CAST: variants seen among roughly 807,000 people sequenced by gnomAD.
CAST encodes the protein MIR583 host.
A neutral mutation model predicts 119.6 loss-of-function variants in CAST; 76 were observed. That is an observed-to-expected ratio of 0.64 (90% CI 0.53 to 0.77). CAST has a LOEUF of 0.77. CAST is among the 30% of genes least tolerant of loss of function. The probability of loss-of-function intolerance (pLI) is 0.00; values close to 1 mark genes in which losing one functional copy is unlikely to be tolerated. For synonymous variants in CAST, 319 were observed against 331.6 expected, an observed-to-expected ratio of 0.96 and a Z score of 0.41; for missense variants, 953 against 946.5, an observed-to-expected ratio of 1.01 and a Z score of -0.09.
intron 1 of CAST, among the ~76,000 whole-genome samples, chr5:96,631,600 A>G (rs1279279914): frequency 3.4e-5 from 4 of 119,268 alleles, no homozygotes; most frequent in African/African-American, 9.6e-5. Flanking sequence ...TTTTTTTTTG[A>G]GACGGAGTCT....
chr5:95,994,076 CAA>C, the CAST span, among the ~76,000 whole-genome samples: 1 of 152,080 alleles, frequency 6.6e-6, no homozygotes, highest in Non-Finnish European at 1.5e-5. Flanking sequence ...AGTGGGTCTG[CAA>C]AGTGTTCAAC....
At chr5:96,100,456 C>T in the CAST span, among the ~76,000 whole-genome samples, 1 of 152,144 alleles carries the variant, frequency 6.6e-6, no homozygotes, top group Admixed American at 6.5e-5. Flanking sequence ...GGTTCTTGCC[C>T]CTTCTTGCCT....
the CAST span, among the ~76,000 whole-genome samples, chr5:96,502,505 A>T: frequency 6.6e-6 from 1 of 152,006 alleles, no homozygotes; most frequent in Non-Finnish European, 1.5e-5. Context: ...TAATTAAAAA[A>T]CAGTGCATGT....
the CAST span, among the ~76,000 whole-genome samples, chr5:96,210,589 T>C: frequency 6.6e-6 from 1 of 152,042 alleles, no homozygotes; most frequent in African/African-American, 2.4e-5. Flanking sequence ...TTGATTACTA[T>C]AGCTACATAA....
At chr5:96,619,617 C>T (rs149400835) in intron 1 of CAST, among the ~76,000 whole-genome samples, 27 of 152,328 alleles carry the variant, frequency 1.8e-4, no homozygotes, top group African/African-American at 6.0e-4. Context: ...TGAGCTGTAA[C>T]GCTCACTGCG....
At chr5:96,413,713 A>G in the CAST span, among the ~76,000 whole-genome samples, 1 of 150,958 alleles carries the variant, frequency 6.6e-6, no homozygotes, top group South Asian at 2.1e-4. Flanking sequence ...GGCACAAGAA[A>G]TGCTTGAACC....
chr5:96,240,189 T>C, the CAST span, among the ~76,000 whole-genome samples: 2 of 152,214 alleles, frequency 1.3e-5, no homozygotes, highest in African/African-American at 4.8e-5. Context: ...ATTTGAGCAA[T>C]AGATTACCTA....
chr5:96,597,915 G>C (rs750679276), intron 1 of CAST, among the ~76,000 whole-genome samples: 18 of 151,402 alleles, frequency 1.2e-4, no homozygotes, highest in Non-Finnish European at 2.1e-4. Context: ...GAAAAGAAAG[G>C]GGGAGAGAAA....
the CAST span, among the ~76,000 whole-genome samples, chr5:96,034,459 TCATACACACA>T: frequency 2.4e-5 from 1 of 40,960 alleles, no homozygotes; most frequent in African/African-American, 7.2e-5. Context: ...TGGGTATATA[TCATACACACA>T]CACACACACA....
the CAST span, among the ~76,000 whole-genome samples, chr5:96,514,116 C>G: frequency 1.3e-5 from 2 of 152,168 alleles, no homozygotes; most frequent in Non-Finnish European, 2.9e-5. Context: ...AATAACTACA[C>G]CTGCACTGAC....
At chr5:96,421,821 T>C in the CAST span, 1 of 944,198 alleles carries the variant, frequency 1.1e-6, no homozygotes, top group Non-Finnish European at 1.8e-6. Flanking sequence ...TATAATTTTC[T>C]CAAACAAGAT....
At chr5:96,579,499 A>G (rs573807110) in intron 1 of CAST, among the ~76,000 whole-genome samples, 9 of 151,758 alleles carry the variant, frequency 5.9e-5, no homozygotes, top group East Asian at 1.9e-4. Context: ...TTTCAGAGAG[A>G]CTCTCTTTTG....
chr5:96,154,111 A>G, the CAST span, among the ~76,000 whole-genome samples: 1 of 151,984 alleles, frequency 6.6e-6, no homozygotes, highest in African/African-American at 2.4e-5. Flanking sequence ...CCCCGTCTCT[A>G]CTAAAAAAAC....
At chr5:96,260,926 T>C in the CAST span, among the ~76,000 whole-genome samples, 1,077 of 152,330 alleles carry the variant, frequency 7.1e-3, 11 homozygotes, top group African/African-American at 0.025. Context: ...AAATATGCCT[T>C]TGCCTGACAA....
chr5:96,126,177 G>A, the CAST span, among the ~76,000 whole-genome samples: 531 of 152,154 alleles, frequency 3.5e-3, 2 homozygotes, highest in African/African-American at 4.6e-3. Context: ...GAATTCCTTT[G>A]CAAACTCAGC....
chr5:96,454,487 A>G, the CAST span, among the ~76,000 whole-genome samples: 1 of 152,154 alleles, frequency 6.6e-6, no homozygotes, highest in Non-Finnish European at 1.5e-5. Flanking sequence ...TCATCTCATG[A>G]CACCCTAATA....
the CAST span, among the ~76,000 whole-genome samples, chr5:96,258,823 A>G: frequency 1.3e-5 from 2 of 152,204 alleles, no homozygotes; most frequent in Admixed American, 1.3e-4. Context: ...TTTTTCCCCT[A>G]TGCACTATAC....
the CAST span, among the ~76,000 whole-genome samples, chr5:96,355,673 C>T: frequency 6.6e-6 from 1 of 152,082 alleles, no homozygotes; most frequent in Non-Finnish European, 1.5e-5. Context: ...TATTTCTCCA[C>T]GTCCTCTCCA....
intron 1 of CAST, among the ~76,000 whole-genome samples, chr5:96,571,838 G>A (rs1013619957): frequency 2.0e-5 from 3 of 152,134 alleles, no homozygotes; most frequent in African/African-American, 7.2e-5. Flanking sequence ...CTCCCCAAAT[G>A]GAATGTGAGT....
Sources: gnomAD v4.1 joint callset for allele counts (sites outside exome capture counted in the v4.1 genomes callset) on GRCh38, gnomAD v4.1.1 for gene constraint, MANE v1.5 for transcripts, NCBI Gene and HGNC (gene_info 2026-07-23, HGNC 2026-07-21) for gene names.